EPHA6: variants seen among roughly 807,000 people sequenced by gnomAD.
EPHA6 encodes ephrin type-A receptor 6.
EPHA6 carries 50 observed loss-of-function variants against 112.0 expected under a neutral mutation model. That is an observed-to-expected ratio of 0.45 (90% CI 0.36 to 0.56). The LOEUF (loss-of-function observed/expected upper bound fraction) is 0.56. EPHA6 is among the 20% of genes least tolerant of loss of function. EPHA6 has a pLI of 0.00. For missense variants in EPHA6, 1,280 were observed against 1,417.4 expected, an observed-to-expected ratio of 0.90 and a Z score of 1.56; for synonymous variants, 529 against 490.7, an observed-to-expected ratio of 1.08 and a Z score of -1.03.
intron 10 of EPHA6, among the ~76,000 whole-genome samples, chr3:97,484,308 C>G (rs561220250): frequency 2.6e-5 from 4 of 152,006 alleles, no homozygotes; most frequent in Admixed American, 2.0e-4. Context: ...AGATAAATTA[C>G]AATGAAACTA....
intron 2 of EPHA6, among the ~76,000 whole-genome samples, chr3:96,887,699 A>T (rs903703622): frequency 6.6e-6 from 1 of 152,104 alleles, no homozygotes; most frequent in Non-Finnish European, 1.5e-5. Context: ...GTAGGTAGGG[A>T]AGGACCATCA....
At chr3:96,846,433 A>C (rs888661841) in intron 1 of EPHA6, among the ~76,000 whole-genome samples, 2 of 152,068 alleles carry the variant, frequency 1.3e-5, no homozygotes, top group African/African-American at 4.8e-5. Flanking sequence ...TTATTAACAG[A>C]TATCCCAAAT....
chr3:97,544,719 C>G (rs541833300), intron 11 of EPHA6, among the ~76,000 whole-genome samples: 1 of 152,102 alleles, frequency 6.6e-6, no homozygotes, highest in Admixed American at 6.5e-5. Flanking sequence ...TCCATCTGGT[C>G]CTGGACTTTT....
At chr3:97,193,973 A>G (rs1424010720) in intron 3 of EPHA6, among the ~76,000 whole-genome samples, 3 of 152,060 alleles carry the variant, frequency 2.0e-5, no homozygotes, top group East Asian at 3.9e-4. Context: ...CCATCCTTGC[A>G]TCCTGGGATA....
At chr3:97,702,574 A>G (rs572931373) in intron 14 of EPHA6, among the ~76,000 whole-genome samples, 58 of 152,308 alleles carry the variant, frequency 3.8e-4, no homozygotes, top group African/African-American at 1.3e-3. Context: ...CATTCATTTT[A>G]AATATAATTG....
At chr3:97,122,900 GTTAT>G (rs1394554353) in intron 3 of EPHA6, among the ~76,000 whole-genome samples, 1 of 151,966 alleles carries the variant, frequency 6.6e-6, no homozygotes. Context: ...AGGTCATGAG[GTTAT>G]TTAATGTTGG....
chr3:97,286,703 A>G (rs2080476863), intron 5 of EPHA6, among the ~76,000 whole-genome samples: 2 of 149,342 alleles, frequency 1.3e-5, no homozygotes, highest in Admixed American at 6.7e-5. Context: ...TCTTTTGCTC[A>G]GGATTGCTTT....
chr3:97,002,389 A>C (rs899381163), intron 3 of EPHA6, among the ~76,000 whole-genome samples: 2 of 138,878 alleles, frequency 1.4e-5, no homozygotes, highest in African/African-American at 5.0e-5. Context: ...TATGTAAATA[A>C]TTTTTATTCA....
At chr3:96,868,978 G>A (rs1035544194) in intron 2 of EPHA6, among the ~76,000 whole-genome samples, 2 of 151,922 alleles carry the variant, frequency 1.3e-5, no homozygotes, top group Non-Finnish European at 2.9e-5. Context: ...AGCATCTCTG[G>A]TGGTTAGTAA....
intron 5 of EPHA6, among the ~76,000 whole-genome samples, chr3:97,277,208 T>C (rs1369350572): frequency 6.6e-6 from 1 of 152,018 alleles, no homozygotes; most frequent in Non-Finnish European, 1.5e-5. Flanking sequence ...TGGGTGCAGA[T>C]GGGCTGAGTC....
intron 14 of EPHA6, among the ~76,000 whole-genome samples, chr3:97,676,605 G>T (rs566809811): frequency 6.6e-6 from 1 of 152,174 alleles, no homozygotes; most frequent in Admixed American, 6.5e-5. Flanking sequence ...AAAGGCTTGT[G>T]TCCAGGGGAA....
intron 2 of EPHA6, among the ~76,000 whole-genome samples, chr3:96,924,893 C>T (rs990368665): frequency 6.6e-6 from 1 of 151,958 alleles, no homozygotes; most frequent in African/African-American, 2.4e-5. Context: ...TTGAGATAAT[C>T]GTGGTTTTTG....
At chr3:97,217,248 C>T (rs1305788551) in intron 3 of EPHA6, among the ~76,000 whole-genome samples, 5 of 152,050 alleles carry the variant, frequency 3.3e-5, no homozygotes, top group Non-Finnish European at 7.4e-5. Flanking sequence ...CAAAAGACAA[C>T]TCCAGAGAGG....
At chr3:97,378,441 C>G (rs1025260136) in intron 5 of EPHA6, among the ~76,000 whole-genome samples, 1 of 152,162 alleles carries the variant, frequency 6.6e-6, no homozygotes, top group Non-Finnish European at 1.5e-5. Context: ...AGAGTCCCTC[C>G]CGGGGCACCA....
intron 5 of EPHA6, among the ~76,000 whole-genome samples, chr3:97,320,163 T>C (rs1420136312): frequency 6.6e-6 from 1 of 152,042 alleles, no homozygotes; most frequent in Admixed American, 6.6e-5. Context: ...AATTTTATCT[T>C]ATTTTAGCCA....
intron 2 of EPHA6, among the ~76,000 whole-genome samples, chr3:96,885,669 A>T (rs1453772832): frequency 6.6e-6 from 1 of 152,114 alleles, no homozygotes; most frequent in Non-Finnish European, 1.5e-5. Context: ...ATCTTTAAAA[A>T]GAACCAGGGT....
At chr3:97,304,894 C>T (rs1049023801) in intron 5 of EPHA6, among the ~76,000 whole-genome samples, 10 of 151,864 alleles carry the variant, frequency 6.6e-5, no homozygotes, top group Non-Finnish European at 1.5e-4. Context: ...CAAATGGGGT[C>T]CAATTAAACT....
chr3:97,489,959 T>A (rs1412170334), intron 10 of EPHA6, among the ~76,000 whole-genome samples: 1 of 152,194 alleles, frequency 6.6e-6, no homozygotes, highest in Non-Finnish European at 1.5e-5. Flanking sequence ...AGTGTTTACC[T>A]GCATTTCAAC....
At chr3:96,999,763 C>G (rs982814201) in intron 3 of EPHA6, among the ~76,000 whole-genome samples, 3 of 151,798 alleles carry the variant, frequency 2.0e-5, no homozygotes, top group African/African-American at 7.2e-5. Context: ...CCCTGAACCC[C>G]TAAGATGAAT....
Sources: allele counts gnomAD v4.1 joint callset (sites outside exome capture counted in the v4.1 genomes callset), GRCh38; gene constraint gnomAD v4.1.1; transcripts MANE v1.5; gene names NCBI Gene and HGNC (gene_info 2026-07-23, HGNC 2026-07-21).